The following SYMPK variants were observed in gnomAD, a reference collection of about 807,000 sequenced individuals.
SYMPK encodes the protein symplekin.
SYMPK carries 49 observed loss-of-function variants against 136.4 expected under a neutral mutation model. The observed-to-expected ratio is 0.36, with a 90% CI of 0.29 to 0.46. SYMPK has a LOEUF of 0.46. SYMPK is among the 20% of genes least tolerant of loss of function. The pLI is 1.00. For missense variants in SYMPK, 1,365 were observed against 1,690.0 expected, an observed-to-expected ratio of 0.81 and a Z score of 3.37; for synonymous variants, 766 against 713.0, an observed-to-expected ratio of 1.07 and a Z score of -1.19.
rs781517027 is a variant in SYMPK, at chr19:45,842,458, C to G, written c.879G>C (p.Gln293His). Reference sequence around the variant, plus strand: ...TCAGATTCTTACGCACACTGCTCACCTGCGATTTGGCCAGCGTCGGGGGCA... The same window carrying G: ...TCAGATTCTTACGCACACTGCTCACGTGCGATTTGGCCAGCGTCGGGGGCA... Reference protein sequence around the residue: ...ANLPPTLAKSQVSSVRKNLKL... With the variant: ...ANLPPTLAKSHVSSVRKNLKL... The change falls in exon 9 of 27, where the codon CAG (glutamine) becomes CAC (histidine). Residue 293 changes from glutamine to histidine, a missense_variant. Physicochemically the swap from Gln to His is conservative, Grantham distance 24. Around this residue, in one of 11 missense-constraint regions of SYMPK, gnomAD observed 237 missense variants for 292.9 expected, o/e 0.81. Coordinates refer to ENST00000245934, the MANE Select transcript of SYMPK (RefSeq NM_004819.3). 1 of 1,613,682 alleles carries G rather than the reference C, an allele frequency of 6.2e-7. No individual in the cohort carries two copies. Among genetic ancestry groups the G allele is most frequent in the Non-Finnish European group, 8.5e-7 (1 of 1,179,824 alleles).
Position 45,838,470 on chromosome 19 carries a change from C to T in SYMPK, c.1233G>A (p.Val411=). The change falls in exon 10 of 27, where the codon GTG becomes GTA. Residue 411 remains valine (V), a synonymous_variant. Transcript: ENST00000245934. ...CCCCACCCATCCTCACCAGATTAGC[C>T]ACATTATCAGGCGTCAGCAGAGGCT... The part of the protein sequence containing the change: ...FLQPLLTPDN[V]ANLVLISMVY... 6.2e-7 allele frequency: 1 copy of T among 1,613,478 alleles called. No homozygotes were observed.
chr19:45,825,348 G>A lies in SYMPK; in HGVS notation c.2330-17C>T, dbSNP rs376272320. 1.1e-5 allele frequency: 17 copies of A among 1,611,070 alleles called. No individual in the cohort carries two copies. The highest frequency in any genetic ancestry group is 6.7e-5 in the Admixed American group (4 of 59,756). On this transcript the variant is annotated splice_polypyrimidine_tract_variant and intron_variant, in intron 17 of 26. Coordinates refer to ENST00000245934, the MANE Select transcript of SYMPK (RefSeq NM_004819.3). ...CTGCCACCTCTGACAGGGCAGGAGC[G>A]GGCATCAGATTGGCCCACACTCTTC... is the stretch of plus-strand genomic sequence containing the variant.
chr19:45,837,988 T>C (rs1971343316), intron 10 of SYMPK, among the ~76,000 whole-genome samples: 1 of 152,110 alleles, frequency 6.6e-6, no homozygotes, highest in Non-Finnish European at 1.5e-5. Context: ...TGAGGCTCAC[T>C]GATGTAGTCT....
chr19:45,821,247 G>T lies in SYMPK; in HGVS notation c.2893+137C>A. On this transcript the variant is annotated intron_variant, in intron 22 of 26. Coordinates refer to ENST00000245934, the MANE Select transcript of SYMPK (RefSeq NM_004819.3). This position sits in a 1 kb window ranked among gnomAD's most constrained non-coding sequence, Gnocchi z 4.4. ...AGAAAAGGAGGGAGGGAGGGAGGTG[G>T]CTCTCCAGAGCTCTGAGGTGGGGCT... The T allele has an allele frequency of 1.4e-6, 1 of 728,318 alleles. No individual in the cohort carries two copies. Among genetic ancestry groups the T allele is most frequent in the Non-Finnish European group, 2.5e-6 (1 of 404,022 alleles). 45.1% of individuals were successfully genotyped at this position (728,318 alleles called of 1,614,324 possible).
At position 45,863,120 on chromosome 19, in the gene SYMPK, C is replaced by T. The variant is rs868300769; in HGVS notation, c.-75G>A. 1 of 405,818 alleles carries T rather than the reference C, an allele frequency of 2.5e-6. No homozygotes were observed. The highest frequency in any genetic ancestry group is 4.3e-6 in the Non-Finnish European group (1 of 230,330). 25.1% of individuals were successfully genotyped at this position (405,818 alleles called of 1,614,324 possible). On this transcript the variant is annotated 5_prime_UTR_variant, in exon 1 of 27. Coordinates refer to ENST00000245934, the MANE Select transcript of SYMPK (RefSeq NM_004819.3). ...CAGTGCCTCTTCCTACACTCCGCCGCCGCCGCCGCCGCCATCTTCCGTTCG... is the reference window on the plus strand; with the variant it reads ...CAGTGCCTCTTCCTACACTCCGCCGTCGCCGCCGCCGCCATCTTCCGTTCG...
rs1970755514 is a variant in SYMPK at position 45,816,833 on chromosome 19, G to A, written c.3223C>T (p.Leu1075=). Residue 1075 remains leucine, a synonymous_variant, in exon 24 of 27, where the codon CTG becomes TTG. Transcript: ENST00000245934. Reference sequence around the variant, plus strand: ...GTGAAGGAGCGGACATGGGCCAGCAGGGGCTCCCGGAGCTCTGGGCACTTG... The same window carrying A: ...GTGAAGGAGCGGACATGGGCCAGCAAGGGCTCCCGGAGCTCTGGGCACTTG... ...FDKCPELREP[L]LAHVRSFTPH... is the part of the protein sequence containing the mutation. 4 of 1,545,512 alleles carry A rather than the reference G, an allele frequency of 2.6e-6. No homozygotes were observed. Among genetic ancestry groups the A allele is most frequent in the South Asian group, 1.2e-5 (1 of 83,816 alleles).
chr19:45,821,847 T>C lies in SYMPK; in HGVS notation c.2792-362A>G, dbSNP rs1375590634. 2.6e-5 allele frequency among the ~76,000 whole-genome samples: 4 copies of C among 152,128 alleles called. No homozygotes were observed. The East Asian group carries it at 5.8e-4, about 22-fold the overall frequency. On this transcript the variant is annotated intron_variant, in intron 21 of 26. Transcript: ENST00000245934. This position sits in a 1 kb window ranked among gnomAD's most constrained non-coding sequence, Gnocchi z 4.4. ...CGCGGCACAGGGGGTCATGGGCATT[T>C]GTGGCACAGGGCAAGATGGAGCCAG...
chr19:45,815,737 G>A (rs1374519349), intron 26 of SYMPK, 40 bp from the exon 27 acceptor site: 6 of 1,601,928 alleles, frequency 3.7e-6, no homozygotes, highest in Non-Finnish European at 5.1e-6. Flanking sequence ...GGTGGAGGGC[G>A]CGGTCACCTC....
intron 1 of SYMPK, among the ~76,000 whole-genome samples, chr19:45,857,335 G>C (rs1256588780): frequency 1.4e-5 from 2 of 144,798 alleles, no homozygotes; most frequent in Non-Finnish European, 3.0e-5. Flanking sequence ...GCATGAACCC[G>C]GGAAGCGGAA....
chr19:45,855,487 TAA>T (rs1382738333), intron 1 of SYMPK: 1 of 151,798 alleles, frequency 6.6e-6, no homozygotes, highest in African/African-American at 2.4e-5. Context: ...AGTTCATACA[TAA>T]TCAAAGGCCA....
intron 23 of SYMPK, 170 bp from the exon 24 acceptor site, chr19:45,817,144 ATCCAGGCGGCTG>A: frequency 1.5e-6 from 1 of 647,696 alleles, no homozygotes; most frequent in Non-Finnish European, 2.5e-6. Flanking sequence ...TGTCTTCCCG[ATCCAGGCGGCTG>A]GACCACGAGG....
At position 45,822,175 on chromosome 19, in the gene SYMPK, C is replaced by G. The variant is rs547171980; in HGVS notation, c.2791+581G>C. Reference sequence around the variant, plus strand: ...ACTCTGTCATCCAGGCTGGAGTGCACTGGCACGATCTCCGCTCACTGCAAG... The same window carrying G: ...ACTCTGTCATCCAGGCTGGAGTGCAGTGGCACGATCTCCGCTCACTGCAAG... On this transcript the variant is annotated intron_variant, in intron 21 of 26. Transcript: ENST00000245934. Among the ~76,000 whole-genome samples the G allele has an allele frequency of 1.2e-4, 17 of 138,570 alleles. No individual in the cohort carries two copies. The East Asian group carries it at 2.8e-3, about 23-fold the overall frequency. The allele number at this position is 138,570 out of a possible 152,430, so 90.9% of individuals were successfully genotyped here. A position where few individuals can be genotyped will look rare whatever the true frequency, so the allele number is the denominator to read the frequency against.
chr19:45,845,683 T>C (rs566951789), intron 7 of SYMPK, among the ~76,000 whole-genome samples: 1 of 152,334 alleles, frequency 6.6e-6, no homozygotes, highest in African/African-American at 2.4e-5. Flanking sequence ...ATCTTTTTGA[T>C]ACAGTGATTT....
chr19:45,822,952 C>T (rs1970942391), intron 20 of SYMPK, 106 bp from the exon 21 acceptor site: 2 of 886,298 alleles, frequency 2.3e-6, no homozygotes, highest in Non-Finnish European at 3.6e-6. Flanking sequence ...AGGGCAAGCT[C>T]TGGCTCACTG....
At chr19:45,838,310 C>A (rs549059642) in intron 10 of SYMPK, 151 bp downstream of exon 10, 2 of 959,446 alleles carry the variant, frequency 2.1e-6, no homozygotes, top group Non-Finnish European at 3.0e-6. Flanking sequence ...TCCTATACAG[C>A]CTGCAGAACT....
In SYMPK at chr19:45,852,388, GC is replaced by G; in HGVS notation, c.226-4del. ...TCTGCTTGGAATGCGATGATCTCCTGCCAATGTTAGAGAGAAAGTGGATCAG... is the reference window on the plus strand; with the variant it reads ...TCTGCTTGGAATGCGATGATCTCCTGCAATGTTAGAGAGAAAGTGGATCAG... On this transcript the variant is annotated splice_polypyrimidine_tract_variant and splice_region_variant and intron_variant, in intron 4 of 26. Transcript: ENST00000245934. 6.2e-7 allele frequency: 1 copy of G among 1,614,196 alleles called. No individual in the cohort carries two copies. The highest frequency in any genetic ancestry group is 1.6e-4 in the Middle Eastern group (1 of 6,062).
In SYMPK at chr19:45,818,145, G is replaced by A; in HGVS notation, c.2895C>T (p.Ala965=). 1 of 1,542,530 alleles carries A rather than the reference G, an allele frequency of 6.5e-7. No homozygotes were observed. The highest frequency in any genetic ancestry group is 8.8e-7 in the Non-Finnish European group (1 of 1,140,838). The change falls in exon 23 of 27, where the codon GCC becomes GCT. Residue 965 remains alanine, a splice_region_variant and synonymous_variant. Coordinates refer to ENST00000245934, the MANE Select transcript of SYMPK (RefSeq NM_004819.3). The part of the protein sequence containing the change: ...VKCDMKSIIK[A]TNLCFAERNV... ...TCCGCTCCGCAAAGCACAGGTTGGTGGCTGCGAGGAGGCGGAGAGTGGGCC... is the reference window on the plus strand; with the variant it reads ...TCCGCTCCGCAAAGCACAGGTTGGTAGCTGCGAGGAGGCGGAGAGTGGGCC...
Position 45,817,936 on chromosome 19 carries a change from C to A in SYMPK, c.3081+23G>T, listed in dbSNP as rs781463252. On this transcript the variant is annotated intron_variant, in intron 23 of 26. Transcript: ENST00000245934. ...GAAGCTGCTGTCTGCAGCCTGGAGG[C>A]GGGGTGGCCGGGGATGGGTTACCTG... The A allele has an allele frequency of 6.2e-5, 96 of 1,539,022 alleles. No individual in the cohort carries two copies. The Middle Eastern group carries it at 8.5e-4, about 14-fold the overall frequency.
At chr19:45,853,016 GCT>G (rs2146342521) in intron 3 of SYMPK, among the ~76,000 whole-genome samples, 1 of 152,260 alleles carries the variant, frequency 6.6e-6, no homozygotes, top group East Asian at 1.9e-4. Context: ...TGCCTGCCAG[GCT>G]CTTTGGAGTA....
Sources: gnomAD v4.1 joint callset for allele counts (sites outside exome capture counted in the v4.1 genomes callset) on GRCh38, gnomAD v4.1.1 for gene constraint, gnomAD v4.1.1 regional missense constraint, Gnocchi (gnomAD v3.1) non-coding constraint, MANE v1.5 for transcripts, NCBI Gene and HGNC (gene_info 2026-07-23, HGNC 2026-07-21) for gene names.